Variants in FMNL2 observed in about 807,000 individuals in gnomAD.
The protein encoded by FMNL2 is formin like 2.
Under a neutral mutation model 130.2 loss-of-function variants are expected in FMNL2, and 51 were observed. The observed-to-expected ratio is 0.39, with a 90% confidence interval of 0.31 to 0.49. The LOEUF is 0.49. Ranked by LOEUF, FMNL2 falls within the 20% of genes least tolerant of loss-of-function variation. FMNL2 has a pLI of 0.85. For synonymous variants in FMNL2, 465 were observed against 467.1 expected, an observed-to-expected ratio of 1.00 and a Z score of 0.06; for missense variants, 977 against 1,316.2, an observed-to-expected ratio of 0.74 and a Z score of 3.99.
At chr2:152,426,872 A>G (rs1003109862) in intron 1 of FMNL2, among the ~76,000 whole-genome samples, 1 of 152,230 alleles carries the variant, frequency 6.6e-6, no homozygotes, top group African/African-American at 2.4e-5. Context: ...GAAGCCTAAC[A>G]GGTATTTGTA....
At chr2:152,412,297 C>A (rs1377417076) in intron 1 of FMNL2, among the ~76,000 whole-genome samples, 2 of 151,342 alleles carry the variant, frequency 1.3e-5, no homozygotes, top group East Asian at 3.9e-4. Context: ...AAAAGATAGA[C>A]TTTTTCCCTA....
intron 20 of FMNL2, among the ~76,000 whole-genome samples, chr2:152,630,712 C>T (rs898502882): frequency 3.3e-5 from 5 of 152,168 alleles, no homozygotes; most frequent in Non-Finnish European, 7.3e-5. Flanking sequence ...TTCAGGTCTT[C>T]ACAGGCTAGG....
chr2:152,386,869 T>TTG (rs1408371017), intron 1 of FMNL2, among the ~76,000 whole-genome samples: 1 of 152,196 alleles, frequency 6.6e-6, no homozygotes, highest in Non-Finnish European at 1.5e-5. Flanking sequence ...AAAATGGTTT[T>TTG]AATTTATCTC....
chr2:152,475,063 G>T (rs1437916436), intron 1 of FMNL2, among the ~76,000 whole-genome samples: 2 of 152,148 alleles, frequency 1.3e-5, no homozygotes, highest in African/African-American at 4.8e-5. Context: ...TATCTATAAA[G>T]GAGGAAAATG....
chr2:152,557,447 C>G (rs1695285606), intron 4 of FMNL2, among the ~76,000 whole-genome samples: 1 of 152,234 alleles, frequency 6.6e-6, no homozygotes, highest in South Asian at 2.1e-4. Context: ...AAACACAAGG[C>G]AATCTTTCCA....
rs1232090436 is a variant in FMNL2, at chr2:152,421,647, A to G, written c.117+85927A>G. ...ACACTGAATTCACCTAGGAACTTCG[A>G]GAAATGTGAGATGATTCAATTCTGT... On this transcript the variant is annotated intron_variant, in intron 1 of 25. Transcript: ENST00000288670. 4.6e-5 allele frequency among the ~76,000 whole-genome samples: 7 copies of G among 152,196 alleles called. No individual in the cohort carries two copies. In the East Asian group the frequency reaches 1.3e-3, roughly 29 times the overall value.
At chr2:152,455,150 G>A (rs1688881515) in intron 1 of FMNL2, among the ~76,000 whole-genome samples, 1 of 152,102 alleles carries the variant, frequency 6.6e-6, no homozygotes, top group Non-Finnish European at 1.5e-5. Context: ...AGCTGAGAAG[G>A]GGAGGTCAGG....
At chr2:152,488,159 C>G (rs1018961697) in intron 1 of FMNL2, among the ~76,000 whole-genome samples, 3 of 152,052 alleles carry the variant, frequency 2.0e-5, no homozygotes, top group Non-Finnish European at 4.4e-5. Context: ...ATGAATAGGC[C>G]CTATGCTGGG....
chr2:152,604,024 A>T (rs1459591340), intron 9 of FMNL2, among the ~76,000 whole-genome samples: 1 of 151,090 alleles, frequency 6.6e-6, no homozygotes, highest in East Asian at 2.0e-4. Flanking sequence ...AGTATGTCTC[A>T]ATATAGACTC....
At chr2:152,464,034 G>A (rs1310012020) in intron 1 of FMNL2, among the ~76,000 whole-genome samples, 1 of 152,202 alleles carries the variant, frequency 6.6e-6, no homozygotes, top group Non-Finnish European at 1.5e-5. Flanking sequence ...GCAGGTTCAA[G>A]CGATTCTCCT....
At chr2:152,480,677 AAAAC>A (rs932063826) in intron 1 of FMNL2, among the ~76,000 whole-genome samples, 5 of 151,066 alleles carry the variant, frequency 3.3e-5, no homozygotes, top group Non-Finnish European at 5.9e-5. Context: ...AATCAGCCTC[AAAAC>A]AAACAAACAA....
At chr2:152,634,741 C>T (rs1216872785) in intron 21 of FMNL2, among the ~76,000 whole-genome samples, 2 of 152,174 alleles carry the variant, frequency 1.3e-5, no homozygotes, top group African/African-American at 4.8e-5. Flanking sequence ...GTGCAATGTG[C>T]AGTTGGGTGT....
intron 9 of FMNL2, among the ~76,000 whole-genome samples, chr2:152,591,547 G>A (rs898198535): frequency 9.9e-5 from 15 of 152,214 alleles, no homozygotes; most frequent in Non-Finnish European, 2.1e-4. Context: ...GGCTCATGCC[G>A]GTAATCCCAG....
intron 1 of FMNL2, among the ~76,000 whole-genome samples, chr2:152,364,506 C>T (rs776478714): frequency 9.9e-5 from 15 of 151,934 alleles, no homozygotes; most frequent in Non-Finnish European, 1.3e-4. Flanking sequence ...ATTAGTAAAC[C>T]GTAAAACATA....
intron 4 of FMNL2, among the ~76,000 whole-genome samples, chr2:152,551,261 G>T (rs1158831610): frequency 2.0e-5 from 3 of 152,144 alleles, no homozygotes; most frequent in Non-Finnish European, 4.4e-5. Flanking sequence ...AAGAACCTTG[G>T]TTGGGTTGAA....
intron 1 of FMNL2, among the ~76,000 whole-genome samples, chr2:152,473,805 A>G (rs1689984625): frequency 6.6e-6 from 1 of 152,190 alleles, no homozygotes; most frequent in Non-Finnish European, 1.5e-5. Context: ...AATATCTTGG[A>G]CCATGGAGTA....
At chr2:152,534,615 A>T (rs76745577) in intron 2 of FMNL2, among the ~76,000 whole-genome samples, 2 of 146,220 alleles carry the variant, frequency 1.4e-5, no homozygotes, top group African/African-American at 5.1e-5. Context: ...TTCTCTCCCA[A>T]CCCCTAATGT....
chr2:152,502,363 T>G (rs1338356332), intron 1 of FMNL2, among the ~76,000 whole-genome samples: 2 of 152,202 alleles, frequency 1.3e-5, no homozygotes, highest in African/African-American at 4.8e-5. Context: ...GAGAAGAATA[T>G]AAGAGGGATG....
At chr2:152,344,992 C>A (rs1336736492) in intron 1 of FMNL2, among the ~76,000 whole-genome samples, 1 of 152,152 alleles carries the variant, frequency 6.6e-6, no homozygotes, top group Non-Finnish European at 1.5e-5. Flanking sequence ...TTTCTTTATT[C>A]ATTATAATGT....
Sources: allele counts gnomAD v4.1 joint callset (sites outside exome capture counted in the v4.1 genomes callset), GRCh38; gene constraint gnomAD v4.1.1; transcripts MANE v1.5; gene names NCBI Gene and HGNC (gene_info 2026-07-23, HGNC 2026-07-21).